SLC52A3: variants seen among roughly 807,000 people sequenced by gnomAD.
SLC52A3 encodes solute carrier family 52, riboflavin transporter, member 3.
SLC52A3 carries 20 observed loss-of-function variants against 29.5 expected under a neutral mutation model. That is an observed-to-expected ratio of 0.68 (90% CI 0.48 to 0.99). SLC52A3 has a LOEUF of 0.99. Among genes scored for constraint, SLC52A3 ranks in the 50% least tolerant of loss-of-function variants. The probability of loss-of-function intolerance (pLI) is 0.00; values close to 1 mark genes in which losing one functional copy is unlikely to be tolerated. For missense variants in SLC52A3, 548 were observed against 612.9 expected (o/e 0.89, Z 1.12); for synonymous variants, 301 against 271.0 (o/e 1.11, Z -1.09).
chr20:764,024 C>CAGATT (rs1986590839), intron 2 of SLC52A3, 21 bp from the exon 3 acceptor site: 3 of 1,547,558 alleles, frequency 1.9e-6, no homozygotes, highest in East Asian at 4.9e-5. Context: ...CAAGACAGAT[C>CAGATT]CCTGGTCAGG....
chr20:763,580 G>A lies in SLC52A3; in HGVS notation c.991C>T (p.Pro331Ser), dbSNP rs1986560868. 4 of 1,614,156 alleles carry A rather than the reference G, an allele frequency of 2.5e-6. No homozygotes were observed. Among genetic ancestry groups the A allele is most frequent in the Non-Finnish European group, 3.4e-6 (4 of 1,180,024 alleles). The change falls in exon 3 of 5, where the codon CCA becomes TCA. Residue 331 changes from proline (P) to serine (S), a missense_variant. Pro to Ser is a moderately conservative substitution (Grantham distance 74). Transcript: ENST00000645534. ...VQTYSCLSYG[P>S]VAYHLAATLS... ...GTGGCAGCCAGGTGGTAGGCAACTG[G>A]CCCATAGGACAGGCAGGAGTAGGTC...
Position 761,024 on chromosome 20 carries a change from G to T in SLC52A3, c.*2C>A. The T allele has an allele frequency of 6.2e-7, 1 of 1,600,268 alleles. No individual in the cohort carries two copies. Among genetic ancestry groups the T allele is most frequent in the Non-Finnish European group, 8.5e-7 (1 of 1,174,728 alleles). On this transcript the variant is annotated 3_prime_UTR_variant, in exon 5 of 5. Coordinates refer to ENST00000645534, the MANE Select transcript of SLC52A3 (RefSeq NM_033409.4). ...GCGATGGGGGCGGGGTCGGCGGCCT[G>T]CCTAGGCTGGACAGTGCAGATTGCA...
chr20:774,552 C>T (rs764591312), intron 1 of SLC52A3, among the ~76,000 whole-genome samples: 1 of 152,102 alleles, frequency 6.6e-6, no homozygotes. Flanking sequence ...GAACCGAAAG[C>T]TAGAAGCAGA....
intron 3 of SLC52A3, among the ~76,000 whole-genome samples, chr20:762,843 T>G (rs1219712864): frequency 6.6e-6 from 1 of 152,158 alleles, no homozygotes; most frequent in African/African-American, 2.4e-5. Context: ...GATACGAGGC[T>G]GTAGGACCCA....
chr20:763,961 C>A lies in SLC52A3; in HGVS notation c.610G>T (p.Ala204Ser), dbSNP rs1875949234. 1.2e-6 allele frequency: 2 copies of A among 1,608,458 alleles called. No homozygotes were observed. The highest frequency in any genetic ancestry group is 2.2e-5 in the South Asian group (2 of 90,390). ...CGGCTCTCCAGGTGGGACAAGGGTG[C>A]TTCCATTCCGGGGAGGGCGGACACC... is the stretch of plus-strand genomic sequence containing the variant. ...ALVSALPGME[A>S]PLSHLESRYL... The change falls in exon 3 of 5, where the codon GCA (alanine) becomes TCA (serine). Residue 204 changes from alanine to serine, a missense_variant. By Grantham distance (99) the Ala-to-Ser change is moderately conservative (BLOSUM62 1). Around this residue, in one of 2 missense-constraint regions of SLC52A3, gnomAD observed 375 missense variants for 471.1 expected, o/e 0.80. Transcript: ENST00000645534.
Position 760,725 on chromosome 20 carries a change from C to T in SLC52A3, c.*301G>A. 4 of 445,834 alleles carry T rather than the reference C, an allele frequency of 9.0e-6. No homozygotes were observed. Among genetic ancestry groups the T allele is most frequent in the Non-Finnish European group, 1.6e-5 (4 of 248,358 alleles). 27.6% of individuals were successfully genotyped at this position (445,834 alleles called of 1,614,324 possible). A position where few individuals can be genotyped will look rare whatever the true frequency, so the allele number is the denominator to read the frequency against. On this transcript the variant is annotated 3_prime_UTR_variant, in exon 5 of 5. Coordinates refer to ENST00000645534, the MANE Select transcript of SLC52A3 (RefSeq NM_033409.4). This position sits in a 1 kb window ranked among gnomAD's most constrained non-coding sequence, Gnocchi z 4.9. ...CTGAAGGGACAGCCGGCTGTCCCAG[C>T]TGTTTCCCTTCTAACACCCTTGGGC...
At chr20:761,876 C>T in intron 3 of SLC52A3, 52 bp from the exon 4 acceptor site, 1 of 1,613,092 alleles carries the variant, frequency 6.2e-7, no homozygotes, top group South Asian at 1.1e-5. Flanking sequence ...ACCTCTGACC[C>T]CCCCGCCCCA....
Position 761,008 on chromosome 20 carries a change from G to A in SLC52A3, c.*18C>T, listed in dbSNP as rs537430116. ...CCAGTTCCGTCCGTGAGCGATGGGG[G>A]CGGGGTCGGCGGCCTGCCTAGGCTG... On this transcript the variant is annotated 3_prime_UTR_variant, in exon 5 of 5. Coordinates refer to ENST00000645534, the MANE Select transcript of SLC52A3 (RefSeq NM_033409.4). The A allele has an allele frequency of 6.3e-6, 10 of 1,583,494 alleles. No individual in the cohort carries two copies. Among genetic ancestry groups the A allele is most frequent in the East Asian group, 4.8e-5 (2 of 41,936 alleles).
At chr20:773,135 G>A (rs191800018), upstream of SLC52A3, among the ~76,000 whole-genome samples, 432 of 152,270 alleles carry the variant, frequency 2.8e-3, 1 homozygote, top group African/African-American at 9.7e-3. Context: ...TAACAGGATC[G>A]TGCTGGCTGT....
intron 3 of SLC52A3, among the ~76,000 whole-genome samples, chr20:762,428 C>T (rs935880550): frequency 6.6e-6 from 1 of 152,196 alleles, no homozygotes; most frequent in Non-Finnish European, 1.5e-5. Context: ...GAGCATCTCT[C>T]TACAGGTGGC....
At position 763,630 on chromosome 20, in the gene SLC52A3, G is replaced by A; in HGVS notation, c.941C>T (p.Thr314Ile). ...YTLVAFVNALTNGMLPSVQTY... is the reference protein window; with the variant it reads ...YTLVAFVNALINGMLPSVQTY... ...CTGCACAGAGGGCAGCATGCCGTTG[G>A]TGAGCGCGTTGACGAAGGCCACCAG... Residue 314 changes from threonine (T) to isoleucine (I), a missense_variant, in exon 3 of 5, where the codon ACC (threonine) becomes ATC (isoleucine). Thr to Ile is a moderately conservative substitution (Grantham distance 89). This residue lies in a region of SLC52A3 where 375 missense variants were observed against 471.1 expected (regional missense o/e 0.80). Coordinates refer to ENST00000645534, the MANE Select transcript of SLC52A3 (RefSeq NM_033409.4). 1 of 1,614,208 alleles carries A rather than the reference G, an allele frequency of 6.2e-7. No individual in the cohort carries two copies. The highest frequency in any genetic ancestry group is 8.5e-7 in the Non-Finnish European group (1 of 1,180,036).
At chr20:775,409 G>T (rs1986984412) in intron 1 of SLC52A3, among the ~76,000 whole-genome samples, 1 of 152,044 alleles carries the variant, frequency 6.6e-6, no homozygotes, top group African/African-American at 2.4e-5. Context: ...GAGTAGCTGG[G>T]ACTATTAACC....
chr20:763,616 G>T lies in SLC52A3; in HGVS notation c.955C>A (p.Pro319Thr). The part of the protein sequence containing the change: ...FVNALTNGML[P>T]SVQTYSCLSY... ...AGGCAGGAGTAGGTCTGCACAGAGG[G>T]CAGCATGCCGTTGGTGAGCGCGTTG... The change falls in exon 3 of 5, where the codon CCC becomes ACC. Residue 319 changes from proline to threonine, a missense_variant. Physicochemically the swap from Pro to Thr is conservative, Grantham distance 38. Around this residue, in one of 2 missense-constraint regions of SLC52A3, gnomAD observed 375 missense variants for 471.1 expected, o/e 0.80. Coordinates refer to ENST00000645534, the MANE Select transcript of SLC52A3 (RefSeq NM_033409.4). 6.2e-7 allele frequency: 1 copy of T among 1,614,206 alleles called. No homozygotes were observed. The highest frequency in any genetic ancestry group is 8.5e-7 in the Non-Finnish European group (1 of 1,180,030).
chr20:769,759 T>C (rs1268689460), upstream of SLC52A3, among the ~76,000 whole-genome samples: 2 of 152,042 alleles, frequency 1.3e-5, no homozygotes, highest in Non-Finnish European at 2.9e-5. Context: ...TAGCCCAGCA[T>C]GGTGGCGCAC....
rs1193455147 is a variant in SLC52A3, at chr20:765,882, G to A, written c.-51-57C>T. 2.6e-5 allele frequency: 29 copies of A among 1,104,332 alleles called. No homozygotes were observed. Among genetic ancestry groups the A allele is most frequent in the Non-Finnish European group, 3.5e-5 (26 of 745,714 alleles). The allele number at this position is 1,104,332 out of a possible 1,614,324, so 68.4% of individuals were successfully genotyped here. On this transcript the variant is annotated intron_variant, in intron 1 of 4. Coordinates refer to ENST00000645534, the MANE Select transcript of SLC52A3 (RefSeq NM_033409.4). This position sits in a 1 kb window ranked among gnomAD's most constrained non-coding sequence, Gnocchi z 6.6. ...CAGCTTCACCACCTAGCAAGATGCT[G>A]GGACCTGGGGCCCAGAGTTTTCTCT...
Position 761,019 on chromosome 20 carries a change from G to C in SLC52A3, c.*7C>G. 6.3e-7 allele frequency: 1 copy of C among 1,596,104 alleles called. No individual in the cohort carries two copies. Among genetic ancestry groups the C allele is most frequent in the East Asian group, 2.3e-5 (1 of 43,356 alleles). ...CGTGAGCGATGGGGGCGGGGTCGGC[G>C]GCCTGCCTAGGCTGGACAGTGCAGA... On this transcript the variant is annotated 3_prime_UTR_variant, in exon 5 of 5. Coordinates refer to ENST00000645534, the MANE Select transcript of SLC52A3 (RefSeq NM_033409.4).
chr20:776,511 T>A (rs1318281686), upstream of SLC52A3, among the ~76,000 whole-genome samples: 1 of 152,146 alleles, frequency 6.6e-6, no homozygotes, highest in East Asian at 1.9e-4. Context: ...ATTTTCCAGA[T>A]GAAGAAACAG....
At chr20:779,099 G>A (rs141332695), upstream of SLC52A3, among the ~76,000 whole-genome samples, 1,878 of 152,234 alleles carry the variant, frequency 0.012, 126 homozygotes, top group Admixed American at 0.11. Flanking sequence ...GTCTACAGAC[G>A]TGAAGGAAGT....
chr20:761,672 G>T (rs1050556428), intron 4 of SLC52A3, 29 bp downstream of exon 4: 6 of 1,612,638 alleles, frequency 3.7e-6, no homozygotes, highest in Non-Finnish European at 5.1e-6. Context: ...GGTACGCAGC[G>T]GGAGCAGCCC....
Sources: gnomAD v4.1 joint callset for allele counts (sites outside exome capture counted in the v4.1 genomes callset) on GRCh38, gnomAD v4.1.1 for gene constraint, gnomAD v4.1.1 regional missense constraint, Gnocchi (gnomAD v3.1) non-coding constraint, MANE v1.5 for transcripts, NCBI Gene and HGNC (gene_info 2026-07-23, HGNC 2026-07-21) for gene names.